Variants in VHL observed in about 807,000 individuals in gnomAD.
VHL encodes von Hippel-Lindau tumor suppressor.
In VHL, 10 loss-of-function variants were observed where a neutral mutation model predicts 19.2. That is an observed-to-expected ratio of 0.52 (90% CI 0.32 to 0.89). VHL has a LOEUF of 0.89. Among genes scored for constraint, VHL ranks in the 40% least tolerant of loss-of-function variants. The pLI is 0.03. For synonymous variants in VHL, 167 were observed against 129.5 expected (o/e 1.29, Z -1.97); for missense variants, 328 against 292.7 (o/e 1.12, Z -0.88).
intron 1 of VHL, among the ~76,000 whole-genome samples, chr3:10,143,997 C>T (rs1276589092): frequency 6.6e-6 from 1 of 152,246 alleles, no homozygotes; most frequent in South Asian, 2.1e-4. Flanking sequence ...GCAAGGATCC[C>T]GATCTTTCTT....
intron 1 of VHL, among the ~76,000 whole-genome samples, chr3:10,144,185 GC>G (rs1199845174): frequency 6.6e-6 from 1 of 152,056 alleles, no homozygotes; most frequent in Non-Finnish European, 1.5e-5. Context: ...AATTTACTGA[GC>G]CTGGGTGCAG....
rs1236502754 is a variant in VHL at position 10,153,272 on chromosome 3, C to T, written c.*3307C>T. 4.7e-5 allele frequency among the ~76,000 whole-genome samples: 7 copies of T among 149,904 alleles called. No homozygotes were observed. The highest frequency in any genetic ancestry group is 9.8e-5 in the African/African-American group (4 of 40,770). On this transcript the variant is annotated 3_prime_UTR_variant, in exon 3 of 3. Transcript: ENST00000256474. ...TAACCTGGGCGACAGAGTGAGACACCGTCTCAAAAAAAAAAACAAAAAACA... is the reference window on the plus strand; with the variant it reads ...TAACCTGGGCGACAGAGTGAGACACTGTCTCAAAAAAAAAAACAAAAAACA...
rs951120449 is a variant in VHL at position 10,151,372 on chromosome 3, AT to A, written c.*1416del. On this transcript the variant is annotated 3_prime_UTR_variant, in exon 3 of 3. Coordinates refer to ENST00000256474, the MANE Select transcript of VHL (RefSeq NM_000551.4). ...AGACTCAGTTTTTTGTAACTAATAGATTTTTTTTTCCACTTTTGTTCTACTC... is the reference window on the plus strand; with the variant it reads ...AGACTCAGTTTTTTGTAACTAATAGATTTTTTTTCCACTTTTGTTCTACTC... The A allele has an allele frequency of 3.2e-4, 69 of 216,908 alleles. No individual in the cohort carries two copies. Among genetic ancestry groups the A allele is most frequent in the African/African-American group, 1.1e-3 (51 of 44,488 alleles). The allele number at this position is 216,908 out of a possible 1,614,324, so 13.4% of individuals were successfully genotyped here.
At chr3:10,145,300 G>T (rs1696227929) in intron 1 of VHL, among the ~76,000 whole-genome samples, 1 of 152,090 alleles carries the variant, frequency 6.6e-6, no homozygotes. Flanking sequence ...GTAAATTTAT[G>T]CCCCGAGGAA....
At chr3:10,148,108 A>G (rs192574225) in intron 2 of VHL, among the ~76,000 whole-genome samples, 136 of 152,024 alleles carry the variant, frequency 8.9e-4, no homozygotes, top group African/African-American at 3.2e-3. Flanking sequence ...AAAAAGAAAA[A>G]AAAAACTCAA....
chr3:10,146,581 T>C lies in VHL; in HGVS notation c.408T>C (p.Phe136=). The C allele has an allele frequency of 6.2e-7, 1 of 1,614,058 alleles. No homozygotes were observed. Among genetic ancestry groups the C allele is most frequent in the Non-Finnish European group, 8.5e-7 (1 of 1,179,950 alleles). Residue 136 remains phenylalanine (F), a synonymous_variant, in exon 2 of 3, where the codon TTT becomes TTC. Coordinates refer to ENST00000256474, the MANE Select transcript of VHL (RefSeq NM_000551.4). ...TTCTGGTTAACCAAACTGAATTATT[T>C]GTGCCATCTCTCAATGTTGACGGAC... The part of the protein sequence containing the change: ...DGLLVNQTEL[F]VPSLNVDGQP...
intron 1 of VHL, 152 bp downstream of exon 1, chr3:10,142,339 TTC>T: frequency 5.7e-6 from 4 of 697,572 alleles, no homozygotes; most frequent in Non-Finnish European, 8.6e-6. Context: ...CGTCAGAGCA[TTC>T]TTTTTTTTTT....
At position 10,153,256 on chromosome 3, in the gene VHL, C is replaced by A. The variant is rs539147546; in HGVS notation, c.*3291C>A. ...TGGTGCCACTGCACTCTAACCTGGG[C>A]GACAGAGTGAGACACCGTCTCAAAA... On this transcript the variant is annotated 3_prime_UTR_variant, in exon 3 of 3. Coordinates refer to ENST00000256474, the MANE Select transcript of VHL (RefSeq NM_000551.4). Among the ~76,000 whole-genome samples, 1 of 151,002 alleles carries A rather than the reference C, an allele frequency of 6.6e-6. No homozygotes were observed. Among genetic ancestry groups the A allele is most frequent in the Non-Finnish European group, 1.5e-5 (1 of 67,854 alleles).
intron 1 of VHL, among the ~76,000 whole-genome samples, chr3:10,143,625 T>C (rs1023030943): frequency 7.9e-5 from 12 of 151,994 alleles, no homozygotes; most frequent in African/African-American, 2.9e-4. Context: ...TTTTTTGTAT[T>C]CTTAGTAGAG....
chr3:10,144,762 T>A (rs1320637184), intron 1 of VHL, among the ~76,000 whole-genome samples: 8 of 152,072 alleles, frequency 5.3e-5, no homozygotes, highest in South Asian at 2.1e-4. Context: ...TTTATTTTTT[T>A]AAAATTTTTT....
chr3:10,149,955 T>G lies in VHL; in HGVS notation c.632T>G (p.Met211Arg). Residue 211 changes from methionine to arginine, a missense_variant, in exon 3 of 3, where the codon ATG becomes AGG. Transcript: ENST00000256474. ...CAGGAGCGCATTGCACATCAACGGA[T>G]GGGAGATTGAAGATTTCTGTTGAAA... ...LTQERIAHQR[M>R]GD 1 of 1,613,744 alleles carries G rather than the reference T, an allele frequency of 6.2e-7. No individual in the cohort carries two copies. Among genetic ancestry groups the G allele is most frequent in the Non-Finnish European group, 8.5e-7 (1 of 1,179,826 alleles).
intron 1 of VHL, among the ~76,000 whole-genome samples, chr3:10,146,213 A>AC (rs979390456): frequency 7.1e-6 from 1 of 140,386 alleles, no homozygotes; most frequent in Non-Finnish European, 1.5e-5. Context: ...TTGCTCTGTC[A>AC]CCCAGGCTGG....
rs772489344 is a variant in VHL, at chr3:10,146,463, C to T, written c.341-51C>T. 137 of 1,608,706 alleles carry T rather than the reference C, an allele frequency of 8.5e-5. 1 individual carries two copies. In the Admixed American group the frequency reaches 1.9e-3, roughly 22 times the overall value. On this transcript the variant is annotated intron_variant, in intron 1 of 2. Coordinates refer to ENST00000256474, the MANE Select transcript of VHL (RefSeq NM_000551.4). ...TGCTGGGATTACAGGTGTGGGCCAC[C>T]GTGCCCAGCCACCGGTGTGGCTCTT...
rs886057712 is a variant in VHL at position 10,150,600 on chromosome 3, G to A, written c.*635G>A. ...TGTACAGTGAACAAATGTCTTAAAG[G>A]GAATCATTTTTGTAGGAAGCATTTT... On this transcript the variant is annotated 3_prime_UTR_variant, in exon 3 of 3. Transcript: ENST00000256474. 76 of 236,204 alleles carry A rather than the reference G, an allele frequency of 3.2e-4. No individual in the cohort carries two copies. The highest frequency in any genetic ancestry group is 2.2e-4 in the Admixed American group (4 of 18,418). The allele number at this position is 236,204 out of a possible 1,614,324, so 14.6% of individuals were successfully genotyped here. A position where few individuals can be genotyped will look rare whatever the true frequency, so the allele number is the denominator to read the frequency against.
chr3:10,150,016 A>G lies in VHL; in HGVS notation c.*51A>G, dbSNP rs1426002212. The G allele has an allele frequency of 2.5e-6, 4 of 1,583,028 alleles. No individual in the cohort carries two copies. The highest frequency in any genetic ancestry group is 3.4e-6 in the Non-Finnish European group (4 of 1,164,436). On this transcript the variant is annotated 3_prime_UTR_variant, in exon 3 of 3. Coordinates refer to ENST00000256474, the MANE Select transcript of VHL (RefSeq NM_000551.4). ...TTCATCTCAGCTTTTGATGGTACTG[A>G]TGAGTCTTGATCTAGATACAGGACT...
In VHL at chr3:10,141,913, G is replaced by A. The variant is rs768452685; in HGVS notation, c.66G>A (p.Glu22=). 6.5e-7 allele frequency: 1 copy of A among 1,538,028 alleles called. No homozygotes were observed. The highest frequency in any genetic ancestry group is 8.8e-7 in the Non-Finnish European group (1 of 1,140,634). Reference sequence around the variant, plus strand: ...GCGCGGAGGAGGCAGGCGTCGAAGAGTACGGCCCTGAAGAAGACGGCGGGG... The same window carrying A: ...GCGCGGAGGAGGCAGGCGTCGAAGAATACGGCCCTGAAGAAGACGGCGGGG... ...EVGAEEAGVE[E]YGPEEDGGEE... The change falls in exon 1 of 3, where the codon GAG becomes GAA. Residue 22 remains glutamate, a synonymous_variant. Coordinates refer to ENST00000256474, the MANE Select transcript of VHL (RefSeq NM_000551.4).
chr3:10,150,713 A>G lies in VHL; in HGVS notation c.*748A>G, dbSNP rs950005649. The G allele has an allele frequency of 1.7e-5, 4 of 233,634 alleles. No individual in the cohort carries two copies. The highest frequency in any genetic ancestry group is 3.4e-5 in the Non-Finnish European group (4 of 118,456). 14.5% of individuals were successfully genotyped at this position (233,634 alleles called of 1,614,324 possible). A position where few individuals can be genotyped will look rare whatever the true frequency, so the allele number is the denominator to read the frequency against. On this transcript the variant is annotated 3_prime_UTR_variant, in exon 3 of 3. Transcript: ENST00000256474. ...GTTTCTAAACTAGGATTGACATTCT[A>G]CAGTTGTGATAATAGCATTTTTGTA...
At chr3:10,142,341 C>CTTTTTTTTTTTTTTTTTT (rs556405301) in intron 1 of VHL, among the ~76,000 whole-genome samples, 154 bp downstream of exon 1, 1 of 107,960 alleles carries the variant, frequency 9.3e-6, no homozygotes, top group Non-Finnish European at 1.7e-5. Context: ...TCAGAGCATT[C>CTTTTTTTTTTTTTTTTTT]TTTTTTTTTT....
intron 2 of VHL, among the ~76,000 whole-genome samples, chr3:10,147,599 A>G (rs1388549712): frequency 2.0e-5 from 3 of 148,950 alleles, no homozygotes; most frequent in African/African-American, 5.0e-5. Flanking sequence ...TCCTGACCTC[A>G]GGTGATCTGC....
Sources: allele counts gnomAD v4.1 joint callset (sites outside exome capture counted in the v4.1 genomes callset), GRCh38; gene constraint gnomAD v4.1.1; transcripts MANE v1.5; gene names NCBI Gene and HGNC (gene_info 2026-07-23, HGNC 2026-07-21).